RBFOX1: variants seen among roughly 807,000 people sequenced by gnomAD.
RBFOX1 encodes the protein RNA binding protein fox-1 homolog 1.
A neutral mutation model predicts 57.7 loss-of-function variants in RBFOX1; 8 were observed. The ratio of observed to expected loss-of-function variants is 0.14; its 90% confidence interval spans 0.08 to 0.25. The LOEUF (loss-of-function observed/expected upper bound fraction) is 0.25. RBFOX1 is among the 10% of genes least tolerant of loss of function. RBFOX1 has a pLI of 1.00. For missense variants in RBFOX1, 611 were observed against 548.5 expected (o/e 1.11, Z -1.14); for synonymous variants, 326 against 222.4 (o/e 1.47, Z -4.15).
At chr16:7,482,697 A>G (rs553962463) in intron 4 of RBFOX1, among the ~76,000 whole-genome samples, 1 of 151,764 alleles carries the variant, frequency 6.6e-6, no homozygotes, top group Admixed American at 6.6e-5. Context: ...CCCTGCTTGC[A>G]CTTCGAATCC....
intron 1 of RBFOX1, among the ~76,000 whole-genome samples, chr16:6,297,391 G>C (rs551052833): frequency 6.7e-6 from 1 of 148,300 alleles, no homozygotes; most frequent in African/African-American, 2.4e-5. Flanking sequence ...AGCACGGATA[G>C]GCTCTCATGG....
chr16:7,186,973 C>T (rs897323520), intron 4 of RBFOX1, among the ~76,000 whole-genome samples: 10 of 102,470 alleles, frequency 9.8e-5, no homozygotes, highest in African/African-American at 3.3e-4. Flanking sequence ...GCCTGGGCAA[C>T]ATGAGGAAAC....
intron 4 of RBFOX1, among the ~76,000 whole-genome samples, chr16:7,228,665 T>C (rs2093303213): frequency 6.6e-6 from 1 of 152,250 alleles, no homozygotes. Context: ...TGCACCTGAT[T>C]GGCTGTGCCT....
chr16:7,654,862 C>T (rs1278107536), intron 12 of RBFOX1, among the ~76,000 whole-genome samples: 3 of 152,138 alleles, frequency 2.0e-5, no homozygotes, highest in Non-Finnish European at 2.9e-5. Context: ...TGGGTAGAGT[C>T]TAGGGATGTT....
chr16:7,633,311 TTAAAG>T (rs1167978311), intron 11 of RBFOX1, among the ~76,000 whole-genome samples: 1 of 152,238 alleles, frequency 6.6e-6, no homozygotes, highest in Non-Finnish European at 1.5e-5. Flanking sequence ...TTTTCTATGT[TTAAAG>T]TAAAAATTAA....
intron 4 of RBFOX1, among the ~76,000 whole-genome samples, chr16:7,154,160 G>T (rs1212946456): frequency 6.6e-6 from 1 of 152,214 alleles, no homozygotes; most frequent in East Asian, 1.9e-4. Flanking sequence ...AAAGTTATTT[G>T]TTGAGCACCT....
intron 4 of RBFOX1, among the ~76,000 whole-genome samples, chr16:7,466,756 G>C (rs948365753): frequency 1.3e-5 from 2 of 152,188 alleles, no homozygotes; most frequent in Admixed American, 1.3e-4. Context: ...TCCTAGGTGT[G>C]TGCAATCAAG....
chr16:6,971,120 C>T (rs1353810318), intron 3 of RBFOX1, among the ~76,000 whole-genome samples: 2 of 152,134 alleles, frequency 1.3e-5, no homozygotes, highest in African/African-American at 4.8e-5. Flanking sequence ...CGGAGGAAGA[C>T]AGACATTTGA....
At chr16:6,257,755 T>C (rs976372252) in intron 1 of RBFOX1, among the ~76,000 whole-genome samples, 53 of 152,140 alleles carry the variant, frequency 3.5e-4, no homozygotes, top group African/African-American at 1.2e-3. Context: ...GACATGATCA[T>C]GTTCTTTTTT....
intron 4 of RBFOX1, among the ~76,000 whole-genome samples, chr16:7,058,726 C>T (rs1298444083): frequency 6.6e-6 from 1 of 152,058 alleles, no homozygotes; most frequent in East Asian, 1.9e-4. Flanking sequence ...GGATTTTTTT[C>T]ATTAACTTTT....
intron 4 of RBFOX1, among the ~76,000 whole-genome samples, chr16:7,372,960 C>T (rs1399910032): frequency 4.7e-5 from 7 of 148,142 alleles, no homozygotes; most frequent in Non-Finnish European, 8.9e-5. Context: ...GAGATGGAGT[C>T]TTGCTCTGTT....
chr16:5,599,597 C>A (rs1218157457), exon 3 of RBFOX1: 1 of 223,546 alleles, frequency 4.5e-6, no homozygotes, highest in Middle Eastern at 1.6e-3. Flanking sequence ...TGTTGGTGAC[C>A]TTGGGATGGC....
At chr16:6,930,063 C>G (rs1035136765) in intron 3 of RBFOX1, among the ~76,000 whole-genome samples, 1 of 152,156 alleles carries the variant, frequency 6.6e-6, no homozygotes, top group Non-Finnish European at 1.5e-5. Context: ...CATAGCAAAC[C>G]AGCCCTGCTG....
chr16:5,861,145 G>T (rs1308652103), intron 3 of RBFOX1, among the ~76,000 whole-genome samples: 1 of 152,262 alleles, frequency 6.6e-6, no homozygotes, highest in Non-Finnish European at 1.5e-5. Flanking sequence ...GAGCAGAAGT[G>T]GATTTCCTAT....
intron 1 of RBFOX1, among the ~76,000 whole-genome samples, chr16:5,356,999 C>T (rs1371064505): frequency 6.6e-6 from 1 of 152,146 alleles, no homozygotes; most frequent in Admixed American, 6.6e-5. Context: ...TTATTTCCAT[C>T]CAGTAGATAA....
chr16:7,331,524 C>G (rs776188615), intron 4 of RBFOX1, among the ~76,000 whole-genome samples: 5 of 152,168 alleles, frequency 3.3e-5, no homozygotes, highest in Admixed American at 6.5e-5. Context: ...AGTCTCAGGT[C>G]AAAGCCTTCA....
chr16:7,015,957 C>G (rs964399112), intron 3 of RBFOX1, among the ~76,000 whole-genome samples: 5 of 152,102 alleles, frequency 3.3e-5, no homozygotes, highest in African/African-American at 1.2e-4. Flanking sequence ...TCATCATTTA[C>G]CCATTATTTG....
At position 7,186,994 on chromosome 16, in the gene RBFOX1, C is replaced by CAAAAAAAAAAAAAAAAA. The variant is rs35177784; in HGVS notation, c.27+134904_27+134920dup. The stretch of plus-strand genomic sequence containing the variant: ...GCAACATGAGGAAACCCCACCTCCA[C>CAAAAAAAAAAAAAAAAA]AAAAAAAAAAAAAAAAAAAAAAAAT... On this transcript the variant is annotated intron_variant, in intron 4 of 15. Coordinates refer to ENST00000550418, the MANE Select transcript of RBFOX1 (RefSeq NM_018723.4). Among the ~76,000 whole-genome samples, 206 of 69,256 alleles carry CAAAAAAAAAAAAAAAAA rather than the reference C, an allele frequency of 3.0e-3. 3 individuals carry two copies. The highest frequency in any genetic ancestry group is 0.012 in the African/African-American group (194 of 15,644). The allele number at this position is 69,256 out of a possible 152,430, so 45.4% of individuals were successfully genotyped here. A position where few individuals can be genotyped will look rare whatever the true frequency, so the allele number is the denominator to read the frequency against.
intron 1 of RBFOX1, among the ~76,000 whole-genome samples, chr16:6,195,406 T>C (rs1171996459): frequency 2.0e-5 from 3 of 152,096 alleles, no homozygotes; most frequent in African/African-American, 7.2e-5. Context: ...TTTATGGCCT[T>C]TAGTAGATGC....
Sources: allele counts gnomAD v4.1 joint callset (sites outside exome capture counted in the v4.1 genomes callset), GRCh38; gene constraint gnomAD v4.1.1; transcripts MANE v1.5; gene names NCBI Gene and HGNC (gene_info 2026-07-23, HGNC 2026-07-21).